Variants in ATAD3B observed in about 807,000 individuals in gnomAD.
ATAD3B encodes the protein ATPase family AAA domain containing 3B.
ATAD3B carries 59 observed loss-of-function variants against 70.2 expected under a neutral mutation model. The ratio of observed to expected loss-of-function variants is 0.84; its 90% CI spans 0.68 to 1.04. The LOEUF is 1.04. Among genes scored for constraint, ATAD3B ranks in the 50% least tolerant of loss-of-function variants. The pLI is 0.00. For missense variants in ATAD3B, 961 were observed against 913.4 expected (o/e 1.05, Z -0.67); for synonymous variants, 423 against 388.6 (o/e 1.09, Z -1.04).
chr1:1,482,979 C>G, intron 7 of ATAD3B: 2 of 471,314 alleles, frequency 4.2e-6, no homozygotes, highest in South Asian at 3.1e-5. Context: ...CCATTCTTGG[C>G]GAGAGAATAA....
chr1:1,488,585 C>T (rs1414422033), intron 12 of ATAD3B, among the ~76,000 whole-genome samples: 1 of 152,028 alleles, frequency 6.6e-6, no homozygotes, highest in African/African-American at 2.4e-5. Flanking sequence ...ATGGTGAAAC[C>T]CCGTCTATAG....
chr1:1,473,836 C>G (rs1414387450), intron 1 of ATAD3B, among the ~76,000 whole-genome samples: 1 of 152,020 alleles, frequency 6.6e-6, no homozygotes, highest in African/African-American at 2.4e-5. Flanking sequence ...TAGGGAATCC[C>G]TGGTGTGAAG....
Position 1,485,129 on chromosome 1 carries a change from GT to G in ATAD3B, c.865del (p.Ser289ProfsTer45), listed in dbSNP as rs1640134840. 1 of 1,610,444 alleles carries G rather than the reference GT, an allele frequency of 6.2e-7. No homozygotes were observed. The highest frequency in any genetic ancestry group is 1.7e-5 in the Admixed American group (1 of 59,896). Reference sequence around the variant, plus strand: ...GGAAGCCGTCCCTAGTGAGGGAGACGTCCCGCATCACGGTGCTGGAGGCGCT... The same window carrying G: ...GGAAGCCGTCCCTAGTGAGGGAGACGCCCGCATCACGGTGCTGGAGGCGCT... ...LGKPSLVRET[S>X]RITVLEALRH... On this transcript the variant is annotated frameshift_variant, in exon 8 of 16. Coordinates refer to ENST00000673477, the MANE Select transcript of ATAD3B (RefSeq NM_031921.6). LOFTEE classifies it high-confidence loss of function.
chr1:1,495,136 G>A (rs113215852), intron 15 of ATAD3B, among the ~76,000 whole-genome samples: 7,617 of 152,144 alleles, frequency 0.05, 316 homozygotes, highest in Middle Eastern at 0.12. Context: ...TGACCCGGGG[G>A]CACTGCCTGG....
chr1:1,495,439 G>A (rs765241188), intron 15 of ATAD3B, 46 bp from the exon 16 acceptor site: 2 of 1,555,434 alleles, frequency 1.3e-6, no homozygotes, highest in Non-Finnish European at 1.7e-6. Context: ...ATTAAGGGTG[G>A]CGGGTTCCCA....
chr1:1,474,776 C>T (rs1480211242), intron 1 of ATAD3B, among the ~76,000 whole-genome samples: 1 of 152,028 alleles, frequency 6.6e-6, no homozygotes, highest in African/African-American at 2.4e-5. Context: ...GCTGGGATGA[C>T]AGGCGTGAGC....
Position 1,482,624 on chromosome 1 carries a change from T to C in ATAD3B, c.750+10T>C, listed in dbSNP as rs819972. ...CAAAGTGACAGCCACGGTAAACATA[T>C]TCATAAAACAGGGCTGGCAGGTGGC... is the stretch of plus-strand genomic sequence containing the variant. On this transcript the variant is annotated intron_variant, in intron 7 of 15. Coordinates refer to ENST00000673477, the MANE Select transcript of ATAD3B (RefSeq NM_031921.6). 255,185 of 1,608,584 alleles carry C rather than the reference T, an allele frequency of 0.16. 48,854 individuals carry two copies. The highest frequency in any genetic ancestry group is 0.76 in the African/African-American group (56,445 of 74,680).
chr1:1,481,791 G>A (rs1318376245), intron 5 of ATAD3B, among the ~76,000 whole-genome samples: 1 of 151,908 alleles, frequency 6.6e-6, no homozygotes, highest in Admixed American at 6.6e-5. Flanking sequence ...CCATGGGCAG[G>A]GCCGGCCTGT....
chr1:1,492,600 G>T (rs1640591486), intron 15 of ATAD3B, among the ~76,000 whole-genome samples: 1 of 147,104 alleles, frequency 6.8e-6, no homozygotes, highest in South Asian at 2.2e-4. Flanking sequence ...TTCGAGGCCA[G>T]CCTGGCCAGT....
At chr1:1,484,567 TA>T (rs1195922304) in intron 7 of ATAD3B, 1 of 161,670 alleles carries the variant, frequency 6.2e-6, no homozygotes, top group Non-Finnish European at 1.4e-5. Flanking sequence ...CCTCTGGTGA[TA>T]CGCCGGCCTT....
At chr1:1,499,067 G>GAGC (rs1188656349), downstream of ATAD3B, among the ~76,000 whole-genome samples, 24 of 151,518 alleles carry the variant, frequency 1.6e-4, no homozygotes, top group Non-Finnish European at 2.8e-4. Context: ...CACCTCCCGG[G>GAGC]TTCACGCCAT....
At chr1:1,498,452 C>A (rs1436109544), downstream of ATAD3B, among the ~76,000 whole-genome samples, 2 of 151,876 alleles carry the variant, frequency 1.3e-5, no homozygotes, top group Admixed American at 6.6e-5. Flanking sequence ...CAGAGTGAGA[C>A]CCTGTCTCAA....
intron 1 of ATAD3B, among the ~76,000 whole-genome samples, chr1:1,476,995 C>T (rs1310054202): frequency 6.6e-6 from 1 of 151,874 alleles, no homozygotes; most frequent in African/African-American, 2.4e-5. Flanking sequence ...TTAGTGGAGA[C>T]AGGATTTCGC....
chr1:1,485,899 C>G lies in ATAD3B; in HGVS notation c.963+61C>G. On this transcript the variant is annotated intron_variant, in intron 9 of 15. Transcript: ENST00000673477. Reference sequence around the variant, plus strand: ...GAGGGGACCCCGGAGCTGGGCTGGGCTGTGGCCCTTGCTAGCGCTCGTGGT... The same window carrying G: ...GAGGGGACCCCGGAGCTGGGCTGGGGTGTGGCCCTTGCTAGCGCTCGTGGT... 3 of 1,611,260 alleles carry G rather than the reference C, an allele frequency of 1.9e-6. No individual in the cohort carries two copies. The South Asian group carries it at 3.3e-5, about 18-fold the overall frequency.
chr1:1,485,642 A>C, intron 8 of ATAD3B, 140 bp from the exon 9 acceptor site: 2 of 1,362,540 alleles, frequency 1.5e-6, no homozygotes, highest in Non-Finnish European at 1.0e-6. Flanking sequence ...CCGGCGGGGC[A>C]GGGTTCCAGC....
At chr1:1,498,532 G>T (rs568720300), downstream of ATAD3B, among the ~76,000 whole-genome samples, 1 of 151,794 alleles carries the variant, frequency 6.6e-6, no homozygotes, top group Non-Finnish European at 1.5e-5. Flanking sequence ...GGATGGGGTC[G>T]GTGGGTGGGG....
At chr1:1,498,713 G>C (rs2100613018), downstream of ATAD3B, among the ~76,000 whole-genome samples, 1 of 149,674 alleles carries the variant, frequency 6.7e-6, no homozygotes, top group East Asian at 2.0e-4. Context: ...CGGCCTGTTT[G>C]TTTTTTTCAG....
chr1:1,478,530 A>G (rs1322251513), intron 2 of ATAD3B, 114 bp from the exon 3 acceptor site: 12 of 1,549,974 alleles, frequency 7.7e-6, no homozygotes, highest in Non-Finnish European at 1.0e-5. Context: ...CCTGCTGCAC[A>G]CACTAGTCTG....
In ATAD3B at chr1:1,496,020, G is replaced by T. The variant is rs1334426247; in HGVS notation, c.*203G>T. 3.8e-5 allele frequency: 51 copies of T among 1,338,590 alleles called. 2 individuals carry two copies. Among genetic ancestry groups the T allele is most frequent in the Non-Finnish European group, 4.8e-5 (50 of 1,046,112 alleles). The allele number at this position is 1,338,590 out of a possible 1,614,324, so 82.9% of individuals were successfully genotyped here. On this transcript the variant is annotated 3_prime_UTR_variant, in exon 16 of 16. Transcript: ENST00000673477. ...CTTTGTTCTCGGCTCCCACAGCAGA[G>T]CCAGGTGAGGGGGGGCCTGCCAGGA...
Sources: allele counts gnomAD v4.1 joint callset (sites outside exome capture counted in the v4.1 genomes callset), GRCh38; gene constraint gnomAD v4.1.1; transcripts MANE v1.5; gene names NCBI Gene and HGNC (gene_info 2026-07-23, HGNC 2026-07-21).